Variants in STRN3 observed in about 807,000 individuals in gnomAD.
STRN3 encodes the protein striatin 3, also known as striatin-3.
In STRN3, 29 loss-of-function variants were observed where a neutral mutation model predicts 95.6. The observed-to-expected ratio is 0.30, with a 90% CI of 0.23 to 0.41. STRN3 has a LOEUF of 0.41. Ranked by LOEUF, STRN3 falls within the 10% of genes least tolerant of loss-of-function variation. The pLI is 1.00. For missense variants in STRN3, 890 were observed against 972.1 expected (o/e 0.92, Z 1.12); for synonymous variants, 331 against 357.6 (o/e 0.93, Z 0.84).
At chr14:31,014,522 AG>A (rs1883146344) in intron 1 of STRN3, 2 of 344,534 alleles carry the variant, frequency 5.8e-6, no homozygotes, top group Non-Finnish European at 1.1e-5. Flanking sequence ...GCCCGGCCAA[AG>A]TGCAAAATTT....
At chr14:30,964,542 C>A (rs1321004952) in intron 1 of STRN3, 1 of 164,262 alleles carries the variant, frequency 6.1e-6, no homozygotes, top group African/African-American at 2.4e-5. Context: ...CATGTGGCAG[C>A]CCAAGGCTTT....
chr14:31,022,808 T>C (rs565141628), intron 1 of STRN3, among the ~76,000 whole-genome samples: 34 of 152,250 alleles, frequency 2.2e-4, no homozygotes, highest in African/African-American at 8.2e-4. Flanking sequence ...CCTAAATTTG[T>C]CTCCTCACCT....
intron 1 of STRN3, among the ~76,000 whole-genome samples, chr14:30,984,966 T>G (rs1202103159): frequency 6.6e-6 from 1 of 152,142 alleles, no homozygotes; most frequent in East Asian, 1.9e-4. Flanking sequence ...TTATGAAGTA[T>G]CCTAAGCTTT....
At chr14:31,011,244 A>G (rs1882955829) in intron 1 of STRN3, among the ~76,000 whole-genome samples, 1 of 152,194 alleles carries the variant, frequency 6.6e-6, no homozygotes, top group Admixed American at 6.5e-5. Flanking sequence ...TAGTATATAC[A>G]CACCACAGAA....
At chr14:30,939,416 G>A (rs1453553675) in intron 5 of STRN3, among the ~76,000 whole-genome samples, 1 of 152,108 alleles carries the variant, frequency 6.6e-6, no homozygotes, top group Non-Finnish European at 1.5e-5. Context: ...AGTTGATGAA[G>A]AGTAGAAAAA....
intron 1 of STRN3, among the ~76,000 whole-genome samples, chr14:31,012,134 G>T (rs533743201): frequency 1.3e-5 from 2 of 152,330 alleles, no homozygotes; most frequent in South Asian, 4.1e-4. Flanking sequence ...AGGCCACTGT[G>T]AAATGTTTTT....
At chr14:30,993,574 T>A (rs2139267770) in intron 1 of STRN3, among the ~76,000 whole-genome samples, 1 of 152,308 alleles carries the variant, frequency 6.6e-6, no homozygotes, top group African/African-American at 2.4e-5. Context: ...TCAGATGCTT[T>A]ATTCAAAAGA....
At chr14:30,943,654 G>T (rs1225732959) in intron 5 of STRN3, among the ~76,000 whole-genome samples, 1 of 152,146 alleles carries the variant, frequency 6.6e-6, no homozygotes, top group Non-Finnish European at 1.5e-5. Context: ...AACAGGTAAA[G>T]AAATAAAGAA....
intron 8 of STRN3, among the ~76,000 whole-genome samples, chr14:30,919,364 T>G (rs61976766): frequency 0.16 from 24,521 of 148,778 alleles, 2,126 homozygotes; most frequent in South Asian, 0.29. Context: ...TCTAAAGAGA[T>G]ATATATATAT....
intron 14 of STRN3, 119 bp downstream of exon 14, chr14:30,906,758 C>T (rs1484153630): frequency 2.6e-6 from 3 of 1,133,128 alleles, no homozygotes; most frequent in African/African-American, 3.1e-5. Flanking sequence ...CTAACTTTTA[C>T]AAAATTCATT....
At chr14:30,988,134 A>C (rs1230178187) in intron 1 of STRN3, among the ~76,000 whole-genome samples, 1 of 152,222 alleles carries the variant, frequency 6.6e-6, no homozygotes, top group Non-Finnish European at 1.5e-5. Flanking sequence ...ACAGAAGCCA[A>C]GTCTTCCATT....
intron 1 of STRN3, among the ~76,000 whole-genome samples, chr14:31,015,136 C>A (rs891683997): frequency 2.6e-5 from 4 of 152,008 alleles, no homozygotes; most frequent in Non-Finnish European, 4.4e-5. Context: ...CAGCCTCACA[C>A]CCACTTTTAT....
At chr14:30,964,166 C>T (rs1880356765) in intron 1 of STRN3, among the ~76,000 whole-genome samples, 1 of 152,104 alleles carries the variant, frequency 6.6e-6, no homozygotes. Flanking sequence ...GCATGAGAAT[C>T]ACTTGAACCT....
chr14:30,973,431 A>G (rs1880936728), intron 1 of STRN3, among the ~76,000 whole-genome samples: 1 of 152,078 alleles, frequency 6.6e-6, no homozygotes, highest in African/African-American at 2.4e-5. Flanking sequence ...AGAGACTCAA[A>G]TTACTAAAAT....
At chr14:31,013,886 T>TATTATTATTATTTGAGACAGAGTGTC (rs1555327129) in intron 1 of STRN3, among the ~76,000 whole-genome samples, 59 of 136,188 alleles carry the variant, frequency 4.3e-4, no homozygotes, top group Non-Finnish European at 5.9e-4. Context: ...TTATTATTAT[T>TATTATTATTATTTGAGACAGAGTGTC]ATTATTATTA....
intron 1 of STRN3, among the ~76,000 whole-genome samples, chr14:30,974,812 TAAATAAAC>T (rs1195882238): frequency 3.5e-5 from 3 of 86,766 alleles, no homozygotes; most frequent in African/African-American, 1.0e-4. Flanking sequence ...TTAAAACAAA[TAAATAAAC>T]AAACAAACAG....
intron 1 of STRN3, among the ~76,000 whole-genome samples, chr14:30,992,211 GAACAGCCTGGCC>G (rs1881990206): frequency 2.0e-5 from 3 of 151,768 alleles, no homozygotes; most frequent in Non-Finnish European, 4.4e-5. Context: ...AGGAGTTCAA[GAACAGCCTGGCC>G]AACATGGCAA....
chr14:30,917,414 T>C (rs552999296), intron 9 of STRN3, among the ~76,000 whole-genome samples: 6 of 152,176 alleles, frequency 3.9e-5, no homozygotes, highest in African/African-American at 7.2e-5. Context: ...AGGGTCCACA[T>C]TGCTAACGTG....
chr14:30,978,625 T>C (rs568765076), intron 1 of STRN3, among the ~76,000 whole-genome samples: 3 of 152,138 alleles, frequency 2.0e-5, no homozygotes, highest in African/African-American at 7.2e-5. Flanking sequence ...ATGCAAGAGA[T>C]GAGAAAAGAA....
Sources: gnomAD v4.1 joint callset for allele counts (sites outside exome capture counted in the v4.1 genomes callset) on GRCh38, gnomAD v4.1.1 for gene constraint, MANE v1.5 for transcripts, NCBI Gene and HGNC (gene_info 2026-07-23, HGNC 2026-07-21) for gene names.